Variants in TTN observed in about 807,000 individuals in gnomAD.
The protein encoded by TTN is connectin.
A neutral mutation model predicts 3,223.0 loss-of-function variants in TTN; 1,525 were observed. That is an observed-to-expected ratio of 0.47 (90% CI 0.45 to 0.49). TTN has a LOEUF of 0.49. Among genes scored for constraint, TTN ranks in the 20% least tolerant of loss-of-function variants. The pLI is 0.00. For missense variants in TTN, 40,786 were observed against 43,424.0 expected, an observed-to-expected ratio of 0.94 and a Z score of 5.40; for synonymous variants, 14,094 against 15,161.0, an observed-to-expected ratio of 0.93 and a Z score of 5.17.
At chr2:178,751,514 T>C in intron 47 of TTN, 1 of 1,613,432 alleles carries the variant, frequency 6.2e-7, no homozygotes, top group East Asian at 2.2e-5. Flanking sequence ...CTTTATCCTA[T>C]CTTCTCCCCT....
rs776172577 is a variant in TTN at position 178,636,247 on chromosome 2, G to A, written c.41330-6C>T. ...TACAAAACGCACAGGAAGTTCTATG[G>A]AGAATTTCAGTATATATTTCAATAA... is the stretch of plus-strand genomic sequence containing the variant. On this transcript the variant is annotated splice_polypyrimidine_tract_variant and splice_region_variant and intron_variant, in intron 225 of 362. Coordinates refer to ENST00000589042, the MANE Select transcript of TTN (RefSeq NM_001267550.2). The surrounding 1 kb of genome is among the most constrained non-coding windows in gnomAD (Gnocchi z 4.3). 2.2e-5 allele frequency: 34 copies of A among 1,528,508 alleles called. No individual in the cohort carries two copies. The highest frequency in any genetic ancestry group is 3.0e-5 in the Non-Finnish European group (34 of 1,138,204). 94.7% of individuals were successfully genotyped at this position (1,528,508 alleles called of 1,614,324 possible). A position where few individuals can be genotyped will look rare whatever the true frequency, so the allele number is the denominator to read the frequency against.
chr2:178,725,642 T>C lies in TTN; in HGVS notation c.20562A>G (p.Pro6854=). ...GGCTGTTCAGTTTGGAGACAAATCT[T>C]GGTGGTTCTGAACAGGAAAAGATGG... ...CVCTVKLKEP[P]RFVSKLNSLT... The change falls in exon 71 of 363, where the codon CCA becomes CCG. Residue 6854 remains proline, a synonymous_variant. Coordinates refer to ENST00000589042, the MANE Select transcript of TTN (RefSeq NM_001267550.2). 1.3e-6 allele frequency: 2 copies of C among 1,580,402 alleles called. No individual in the cohort carries two copies. Among genetic ancestry groups the C allele is most frequent in the East Asian group, 4.5e-5 (2 of 44,486 alleles).
In TTN at chr2:178,775,989, A is replaced by T. The variant is rs562856820; in HGVS notation, c.5875T>A (p.Phe1959Ile). 733 of 1,614,062 alleles carry T rather than the reference A, an allele frequency of 4.5e-4. 13 individuals carry two copies. In the South Asian group the frequency reaches 7.5e-3, roughly 17 times the overall value. ...FHVHEPGKLQFEVQKVDRPVD... is the reference protein window; with the variant it reads ...FHVHEPGKLQIEVQKVDRPVD... ...GGTCTATCCACTTTTTGTACTTCAA[A>T]CTGAAGCTTTCCTGGTTCATGTACG... Residue 1959 changes from phenylalanine (F) to isoleucine (I), a missense_variant, in exon 28 of 363, where the codon TTT (phenylalanine) becomes ATT (isoleucine). Coordinates refer to ENST00000589042, the MANE Select transcript of TTN (RefSeq NM_001267550.2).
Position 178,528,589 on chromosome 2 carries a change from A to G in TTN, c.107162T>C (p.Phe35721Ser). 1 of 1,613,218 alleles carries G rather than the reference A, an allele frequency of 6.2e-7. No individual in the cohort carries two copies. Among genetic ancestry groups the G allele is most frequent in the Non-Finnish European group, 8.5e-7 (1 of 1,179,520 alleles). Residue 35721 changes from phenylalanine (F) to serine (S), a missense_variant, in exon 360 of 363, where the codon TTT (phenylalanine) becomes TCT (serine). Coordinates refer to ENST00000589042, the MANE Select transcript of TTN (RefSeq NM_001267550.2). ...TGGCTCGCCACTGATTTCACAAGTA[A>G]AGAGAACATTTTGTCCTTCATTAAT... ...QNINEGQNVLFTCEISGEPSP... is the reference protein window; with the variant it reads ...QNINEGQNVLSTCEISGEPSP...
In TTN at chr2:178,712,787, C is replaced by T. The variant is rs1405635875; in HGVS notation, c.27238G>A (p.Asp9080Asn). The T allele has an allele frequency of 3.7e-6, 6 of 1,613,756 alleles. No homozygotes were observed. The highest frequency in any genetic ancestry group is 4.2e-6 in the Non-Finnish European group (5 of 1,179,764). The change falls in exon 94 of 363, where the codon GAT becomes AAT. Residue 9080 changes from aspartate (D) to asparagine (N), a missense_variant. Asp to Asn is a conservative substitution (Grantham distance 23, BLOSUM62 1). Coordinates refer to ENST00000589042, the MANE Select transcript of TTN (RefSeq NM_001267550.2). ...EDSVAELELF[D>N]VDTSQSGEYT... ...TCTCCACTTTGTGATGTATCTACAT[C>T]GAACAACTCCAGTTCAGCAACTGAA...
At position 178,589,397 on chromosome 2, in the gene TTN, A is replaced by C; in HGVS notation, c.62328T>G (p.Ser20776Arg). The C allele has an allele frequency of 6.2e-7, 1 of 1,613,418 alleles. No individual in the cohort carries two copies. The highest frequency in any genetic ancestry group is 8.5e-7 in the Non-Finnish European group (1 of 1,179,632). Residue 20776 changes from serine (S) to arginine (R), a missense_variant, in exon 304 of 363, where the codon AGT (serine) becomes AGG (arginine). Ser to Arg is a moderately radical substitution (Grantham distance 110). Coordinates refer to ENST00000589042, the MANE Select transcript of TTN (RefSeq NM_001267550.2). Reference protein sequence around the residue: ...LQKPVLDLKLSGVLTVKAGDT... With the variant: ...LQKPVLDLKLRGVLTVKAGDT... ...CCCCTGCTTTGACAGTTAGGACCCC[A>C]CTTAATTTCAGATCAAGTACTGGTT...
At chr2:178,767,652 C>A in intron 40 of TTN, 107 bp downstream of exon 40, 1 of 1,498,924 alleles carries the variant, frequency 6.7e-7, no homozygotes, top group South Asian at 1.1e-5. Flanking sequence ...TGATTTAATT[C>A]TTTAAAGGAT....
chr2:178,793,675 C>T, intron 8 of TTN, 134 bp from the exon 9 acceptor site: 2 of 1,238,704 alleles, frequency 1.6e-6, no homozygotes, highest in Non-Finnish European at 2.3e-6. Flanking sequence ...TGGCGCACAC[C>T]TGTAATCCCA....
Position 178,568,541 on chromosome 2 carries a change from T to C in TTN, c.77591A>G (p.Asp25864Gly), listed in dbSNP as rs780362373. The C allele has an allele frequency of 1.9e-6, 3 of 1,613,380 alleles. No individual in the cohort carries two copies. The highest frequency in any genetic ancestry group is 2.7e-5 in the African/African-American group (2 of 74,900). The change falls in exon 326 of 363, where the codon GAT becomes GGT. Residue 25864 changes from aspartate to glycine, a missense_variant. Coordinates refer to ENST00000589042, the MANE Select transcript of TTN (RefSeq NM_001267550.2). ...TLSIKETHKD[D>G]GGQYGITVAN... ...AACTGTGATTCCATATTGTCCACCA[T>C]CATCCTTATGAGTTTCTTTAATACT...
At chr2:178,719,910 A>T in intron 81 of TTN, 73 bp downstream of exon 81, 1 of 1,544,696 alleles carries the variant, frequency 6.5e-7, no homozygotes, top group Non-Finnish European at 8.7e-7. Flanking sequence ...TTACTGGATA[A>T]GAGGAATATT....
rs181557084 is a variant in TTN at position 178,537,290 on chromosome 2, G to T, written c.99866-47C>A. The T allele has an allele frequency of 1.4e-4, 211 of 1,531,318 alleles. 1 individual carries two copies. The African/African-American group carries it at 2.7e-3, about 20-fold the overall frequency. The allele number at this position is 1,531,318 out of a possible 1,614,324, so 94.9% of individuals were successfully genotyped here. On this transcript the variant is annotated intron_variant, in intron 355 of 362. Transcript: ENST00000589042. The stretch of plus-strand genomic sequence containing the variant: ...GTGGTGGTTTTCATAGTGTGTTTTT[G>T]AGATTTTTTTTTCTTTAAAAATAAA...
chr2:178,805,700 G>C (rs954497680), intron 1 of TTN, among the ~76,000 whole-genome samples: 1 of 152,108 alleles, frequency 6.6e-6, no homozygotes, highest in Non-Finnish European at 1.5e-5. Context: ...TTAGTGAACA[G>C]GCCAAAGTTT....
chr2:178,746,798 C>A lies in TTN; in HGVS notation c.11312-4877G>T, dbSNP rs794729596. 6.2e-7 allele frequency: 1 copy of A among 1,613,238 alleles called. No homozygotes were observed. Among genetic ancestry groups the A allele is most frequent in the Admixed American group, 1.7e-5 (1 of 59,896 alleles). ...AAGACCTTCAACTTCAACAATGAAG[C>A]CTAGTGTTGTGTTTTCATATACCTT... is the stretch of plus-strand genomic sequence containing the variant. On this transcript the variant is annotated intron_variant, in intron 47 of 362. Coordinates refer to ENST00000589042, the MANE Select transcript of TTN (RefSeq NM_001267550.2).
chr2:178,733,648 T>A lies in TTN; in HGVS notation c.15741A>T (p.Gly5247=). ...KYTCLAENEA[G]SQTSVGELIV... ...TTAATTCCCCAACAGATGTTTGGCT[T>A]CCAGCTTCATTTTCAGCCAGGCACG... The change falls in exon 53 of 363, where the codon GGA becomes GGT. Residue 5247 remains glycine, a synonymous_variant. Coordinates refer to ENST00000589042, the MANE Select transcript of TTN (RefSeq NM_001267550.2). 6.2e-7 allele frequency: 1 copy of A among 1,612,732 alleles called. No individual in the cohort carries two copies. The highest frequency in any genetic ancestry group is 8.5e-7 in the Non-Finnish European group (1 of 1,178,836).
intron 13 of TTN, among the ~76,000 whole-genome samples, chr2:178,787,498 A>C (rs2093261382): frequency 6.6e-6 from 1 of 152,198 alleles, no homozygotes; most frequent in African/African-American, 2.4e-5. Context: ...CATCTTCGAC[A>C]GATAACACTA....
At position 178,758,971 on chromosome 2, in the gene TTN, T is replaced by G; in HGVS notation, c.10303+13A>C. The G allele has an allele frequency of 6.2e-7, 1 of 1,613,392 alleles. No homozygotes were observed. The highest frequency in any genetic ancestry group is 8.5e-7 in the Non-Finnish European group (1 of 1,179,376). ...TATATTTAAATGGGGTTCTGAAAGT[T>G]GTTTTACTTTACCTTCCAGACTCAG... is the stretch of plus-strand genomic sequence containing the variant. On this transcript the variant is annotated intron_variant, in intron 44 of 362. Coordinates refer to ENST00000589042, the MANE Select transcript of TTN (RefSeq NM_001267550.2).
At position 178,759,126 on chromosome 2, in the gene TTN, A is replaced by C. The variant is rs930506981; in HGVS notation, c.10161T>G (p.Ser3387=). The part of the protein sequence containing the change: ...WYSKDKKIKP[S]RFFRMTQFED... ...CAAATTGAGTCATTCTAAAGAACCGAGATGGCTTGATTTTCTTGTCTTTGC... is the reference window on the plus strand; with the variant it reads ...CAAATTGAGTCATTCTAAAGAACCGCGATGGCTTGATTTTCTTGTCTTTGC... The change falls in exon 44 of 363, where the codon TCT becomes TCG. Residue 3387 remains serine, a synonymous_variant. Coordinates refer to ENST00000589042, the MANE Select transcript of TTN (RefSeq NM_001267550.2). The C allele has an allele frequency of 1.2e-6, 2 of 1,614,042 alleles. No individual in the cohort carries two copies. Among genetic ancestry groups the C allele is most frequent in the Non-Finnish European group, 1.7e-6 (2 of 1,179,958 alleles).
chr2:178,757,924 G>A lies in TTN; in HGVS notation c.10304-8C>T. 3 of 1,514,546 alleles carry A rather than the reference G, an allele frequency of 2.0e-6. No homozygotes were observed. Among genetic ancestry groups the A allele is most frequent in the Non-Finnish European group, 2.6e-6 (3 of 1,133,094 alleles). 93.8% of individuals were successfully genotyped at this position (1,514,546 alleles called of 1,614,324 possible). Reference sequence around the variant, plus strand: ...CTTCAAATTTGCTAAATCCTGAAAAGAAGCATACCAATTTTTAATGTCTTA... The same window carrying A: ...CTTCAAATTTGCTAAATCCTGAAAAAAAGCATACCAATTTTTAATGTCTTA... On this transcript the variant is annotated splice_polypyrimidine_tract_variant and splice_region_variant and intron_variant, in intron 44 of 362. Coordinates refer to ENST00000589042, the MANE Select transcript of TTN (RefSeq NM_001267550.2).
chr2:178,688,215 T>C lies in TTN; in HGVS notation c.32207A>G (p.Glu10736Gly). ...CTCTTCTGAGTAACTCCATTCCTCC[T>C]CTGCAGATACTTTAAAAGATAAGGT... ...VEVTRHEVSA[E>G]EEWSYSEEEE... Residue 10736 changes from glutamate (E) to glycine (G), a missense_variant, in exon 127 of 363, where the codon GAG (glutamate) becomes GGG (glycine). Physicochemically the swap from Glu to Gly is moderately conservative, Grantham distance 98 (BLOSUM62 -2). Transcript: ENST00000589042. The C allele has an allele frequency of 6.2e-7, 1 of 1,612,424 alleles. No homozygotes were observed. Among genetic ancestry groups the C allele is most frequent in the African/African-American group, 1.3e-5 (1 of 75,046 alleles).
Sources: gnomAD v4.1 joint callset for allele counts (sites outside exome capture counted in the v4.1 genomes callset) on GRCh38, gnomAD v4.1.1 for gene constraint, Gnocchi (gnomAD v3.1) non-coding constraint, MANE v1.5 for transcripts, NCBI Gene and HGNC (gene_info 2026-07-23, HGNC 2026-07-21) for gene names.